The following LRRC69 variants were observed in gnomAD, a reference collection of about 807,000 sequenced individuals.
LRRC69 encodes the protein leucine-rich repeat-containing protein 69.
LRRC69 carries 42 observed loss-of-function variants against 37.8 expected under a neutral mutation model. That is an observed-to-expected ratio of 1.11 (90% CI 0.87 to 1.44). The LOEUF (loss-of-function observed/expected upper bound fraction) is 1.44, where lower values mean the gene tolerates loss of function less well. Among genes scored for constraint, LRRC69 ranks in the 40% most tolerant of loss-of-function variants. The pLI, the probability that LRRC69 is intolerant of heterozygous loss-of-function variation, is 0.00. For synonymous variants in LRRC69, 141 were observed against 143.1 expected (o/e 0.99, Z 0.11); for missense variants, 357 against 401.9 (o/e 0.89, Z 0.96).
At chr8:91,218,992 C>A (rs1272116501) in exon 8 of LRRC69, 1 of 1,544,078 alleles carries the variant, frequency 6.5e-7, no homozygotes, top group African/African-American at 1.4e-5. Context: ...TGGAATTGCT[C>A]AGGTGTAGAA....
chr8:91,165,439 A>T (rs1354579486), intron 5 of LRRC69, among the ~76,000 whole-genome samples: 1 of 151,796 alleles, frequency 6.6e-6, no homozygotes, highest in Non-Finnish European at 1.5e-5. Flanking sequence ...CACTGTGGGG[A>T]GACCATGAGG....
chr8:91,151,051 G>A (rs972639545), intron 5 of LRRC69, among the ~76,000 whole-genome samples: 3 of 151,338 alleles, frequency 2.0e-5, no homozygotes, highest in African/African-American at 7.3e-5. Flanking sequence ...TGGATTCATT[G>A]ATTTTTTGAA....
At chr8:91,172,238 T>C (rs1362994036) in intron 5 of LRRC69, among the ~76,000 whole-genome samples, 1 of 151,988 alleles carries the variant, frequency 6.6e-6, no homozygotes, top group East Asian at 1.9e-4. Flanking sequence ...GGCTACTCTT[T>C]GTACATACCA....
At position 91,138,117 on chromosome 8, in the gene LRRC69, A is replaced by T. The variant is rs371744799; in HGVS notation, c.651+2378A>T. ...CATAAGGTTGTTATGTCAAATAGTGATTATGAAGCATTTTGTGCATAGTTG... is the reference window on the plus strand; with the variant it reads ...CATAAGGTTGTTATGTCAAATAGTGTTTATGAAGCATTTTGTGCATAGTTG... On this transcript the variant is annotated intron_variant, in intron 5 of 7. Coordinates refer to ENST00000448384, the Ensembl canonical transcript of LRRC69. 2.0e-5 allele frequency among the ~76,000 whole-genome samples: 3 copies of T among 152,136 alleles called. No homozygotes were observed. The East Asian group carries it at 5.8e-4, about 29-fold the overall frequency.
chr8:91,144,775 T>G (rs891027080), intron 5 of LRRC69, among the ~76,000 whole-genome samples: 5 of 152,012 alleles, frequency 3.3e-5, no homozygotes, highest in African/African-American at 1.2e-4. Flanking sequence ...CATACCCTGG[T>G]TTACTGTCAC....
intron 5 of LRRC69, among the ~76,000 whole-genome samples, chr8:91,147,332 C>G (rs1279776604): frequency 2.7e-5 from 4 of 148,728 alleles, no homozygotes; most frequent in African/African-American, 7.4e-5. Context: ...CATGATATAT[C>G]TATTTTCACT....
At chr8:91,156,397 T>C (rs1327603874) in intron 5 of LRRC69, among the ~76,000 whole-genome samples, 1 of 150,998 alleles carries the variant, frequency 6.6e-6, no homozygotes, top group Non-Finnish European at 1.5e-5. Context: ...ATTCAGATCC[T>C]TCACCAATTT....
intron 7 of LRRC69, among the ~76,000 whole-genome samples, chr8:91,201,941 C>G (rs139692474): frequency 1.2e-3 from 178 of 152,224 alleles, no homozygotes; most frequent in African/African-American, 3.8e-3. Context: ...TGCGGTGGCT[C>G]ACACCTGTAA....
At chr8:91,111,063 T>C (rs1271970546) in intron 1 of LRRC69, among the ~76,000 whole-genome samples, 1 of 152,070 alleles carries the variant, frequency 6.6e-6, no homozygotes, top group Non-Finnish European at 1.5e-5. Flanking sequence ...ATTCCAGATA[T>C]TGTTCTTTGA....
intron 1 of LRRC69, among the ~76,000 whole-genome samples, chr8:91,107,022 G>A (rs968911644): frequency 6.6e-6 from 1 of 151,260 alleles, no homozygotes; most frequent in Non-Finnish European, 1.5e-5. Context: ...GGCTGGTCTT[G>A]AACTCCTGGC....
intron 5 of LRRC69, among the ~76,000 whole-genome samples, chr8:91,162,802 C>T (rs1808968427): frequency 6.6e-6 from 1 of 151,190 alleles, no homozygotes; most frequent in African/African-American, 2.4e-5. Flanking sequence ...CCTCCCTCCA[C>T]CTCTGCTTTC....
intron 6 of LRRC69, among the ~76,000 whole-genome samples, chr8:91,197,354 C>T (rs1336881108): frequency 6.6e-6 from 1 of 152,182 alleles, no homozygotes; most frequent in East Asian, 1.9e-4. Context: ...CCTCCTGGAG[C>T]TGTGGTGGGC....
chr8:91,126,878 A>G (rs1394354826), intron 2 of LRRC69, among the ~76,000 whole-genome samples: 1 of 152,034 alleles, frequency 6.6e-6, no homozygotes, highest in African/African-American at 2.4e-5. Context: ...TTGCATCCTC[A>G]TTCCACAGGC....
At chr8:91,186,063 T>C (rs1809403061) in intron 5 of LRRC69, among the ~76,000 whole-genome samples, 1 of 152,156 alleles carries the variant, frequency 6.6e-6, no homozygotes, top group African/African-American at 2.4e-5. Flanking sequence ...GTGGGAACAA[T>C]TATAAAAATT....
intron 5 of LRRC69, among the ~76,000 whole-genome samples, chr8:91,139,529 C>T (rs187197312): frequency 0.031 from 1 of 32 alleles, no homozygotes; most frequent in African/African-American, 0.083. Context: ...CCCACTTCGG[C>T]CCTCTCAAAG....
intron 5 of LRRC69, among the ~76,000 whole-genome samples, chr8:91,176,743 C>G (rs904702037): frequency 6.6e-6 from 1 of 152,146 alleles, no homozygotes; most frequent in East Asian, 1.9e-4. Context: ...TTCTCCCTCC[C>G]TCCACCTTTT....
intron 6 of LRRC69, among the ~76,000 whole-genome samples, chr8:91,191,050 C>CT (rs1444779125): frequency 7.0e-6 from 1 of 142,946 alleles, no homozygotes; most frequent in Non-Finnish European, 1.6e-5. Flanking sequence ...AACCCCCCCC[C>CT]CCCCAAGTCA....
At chr8:91,190,572 G>C (rs947481820) in intron 6 of LRRC69, among the ~76,000 whole-genome samples, 1 of 152,048 alleles carries the variant, frequency 6.6e-6, no homozygotes, top group Non-Finnish European at 1.5e-5. Flanking sequence ...ATATAGAGTT[G>C]TTTTTCCACT....
intron 1 of LRRC69, among the ~76,000 whole-genome samples, chr8:91,120,351 A>C (rs1586229253): frequency 6.6e-6 from 1 of 152,090 alleles, no homozygotes; most frequent in African/African-American, 2.4e-5. Context: ...ATATCTGGGA[A>C]ATCCTGAAAC....
Sources: gnomAD v4.1 joint callset for allele counts (sites outside exome capture counted in the v4.1 genomes callset) on GRCh38, gnomAD v4.1.1 for gene constraint, MANE v1.5 for transcripts, NCBI Gene and HGNC (gene_info 2026-07-23, HGNC 2026-07-21) for gene names.